Variants in NPLOC4 observed in about 807,000 individuals in gnomAD.
NPLOC4 encodes nuclear protein localization protein 4 homolog.
In NPLOC4, 18 loss-of-function variants were observed where a neutral mutation model predicts 80.6. That is an observed-to-expected ratio of 0.22 (90% CI 0.15 to 0.33). The LOEUF (loss-of-function observed/expected upper bound fraction) is 0.33. Among genes scored for constraint, NPLOC4 ranks in the 10% least tolerant of loss-of-function variants. NPLOC4 has a pLI of 1.00. For missense variants in NPLOC4, 540 were observed against 786.1 expected (o/e 0.69, Z 3.74); for synonymous variants, 313 against 301.5 (o/e 1.04, Z -0.39).
At chr17:81,629,991 A>T (rs1000021564) in intron 1 of NPLOC4, 186 bp from the exon 2 acceptor site, 1 of 536,754 alleles carries the variant, frequency 1.9e-6, no homozygotes, top group African/African-American at 1.9e-5. Flanking sequence ...ATTCATCAAC[A>T]TATGGGGAGA....
At chr17:81,564,683 G>A (rs1192276143) in intron 16 of NPLOC4, 2 of 151,986 alleles carry the variant, frequency 1.3e-5, no homozygotes, top group Non-Finnish European at 2.9e-5. Flanking sequence ...AGCTACTCAG[G>A]AGGCTGAGGC....
chr17:81,627,632 G>A (rs373669439), intron 2 of NPLOC4, among the ~76,000 whole-genome samples: 21 of 152,198 alleles, frequency 1.4e-4, no homozygotes, highest in South Asian at 8.3e-4. Flanking sequence ...CCAGCTACTC[G>A]GAAGGCTGAG....
chr17:81,619,484 A>G (rs1397248559), intron 3 of NPLOC4, among the ~76,000 whole-genome samples: 1 of 142,282 alleles, frequency 7.0e-6, no homozygotes, highest in Non-Finnish European at 1.5e-5. Context: ...GGGGGGGCAG[A>G]GGTTGTGGTG....
chr17:81,582,210 C>G (rs562411320), intron 12 of NPLOC4, among the ~76,000 whole-genome samples: 1 of 152,214 alleles, frequency 6.6e-6, no homozygotes, highest in Non-Finnish European at 1.5e-5. Context: ...TGCAGCAGCA[C>G]AACCAGGAGG....
chr17:81,581,375 A>AGTG lies in NPLOC4; in HGVS notation c.1281+7568_1281+7569insCAC, dbSNP rs71367066. ...AAAAAAAAAAAAAAAAAAAAAAAAA[A>AGTG]AGTTAATAAAATCACCATGTCACAA... On this transcript the variant is annotated intron_variant, in intron 12 of 16. Coordinates refer to ENST00000331134, the MANE Select transcript of NPLOC4 (RefSeq NM_017921.4). Among the ~76,000 whole-genome samples the AGTG allele has an allele frequency of 4.1e-5, 3 of 72,810 alleles. 1 individual carries two copies. The highest frequency in any genetic ancestry group is 2.9e-5 in the Non-Finnish European group (1 of 34,996). 47.8% of individuals were successfully genotyped at this position (72,810 alleles called of 152,430 possible).
At position 81,613,506 on chromosome 17, in the gene NPLOC4, A is replaced by G; in HGVS notation, c.210-12T>C. 1.2e-6 allele frequency: 2 copies of G among 1,608,806 alleles called. No individual in the cohort carries two copies. The highest frequency in any genetic ancestry group is 1.7e-6 in the Non-Finnish European group (2 of 1,177,748). ...ACAAATCGCCATGCCTGTTCAAATG[A>G]TAAACAGAGGCTGATGCCTTCCCTT... On this transcript the variant is annotated splice_polypyrimidine_tract_variant and intron_variant, in intron 3 of 16. Coordinates refer to ENST00000331134, the MANE Select transcript of NPLOC4 (RefSeq NM_017921.4).
Position 81,630,235 on chromosome 17 carries a change from C to T in NPLOC4, c.16-430G>A, listed in dbSNP as rs145855428. On this transcript the variant is annotated intron_variant, in intron 1 of 16. Coordinates refer to ENST00000331134, the MANE Select transcript of NPLOC4 (RefSeq NM_017921.4). ...CCAGGATCTATATACAAACATTAGA[C>T]AGTCTTCAAGAGTCCTACAATTTAA... Among the ~76,000 whole-genome samples, 504 of 149,694 alleles carry T rather than the reference C, an allele frequency of 3.4e-3. 2 individuals are homozygous for T. Among genetic ancestry groups the T allele is most frequent in the African/African-American group, 0.012 (480 of 40,870 alleles).
intron 6 of NPLOC4, among the ~76,000 whole-genome samples, chr17:81,607,233 T>A (rs1394349954): frequency 6.6e-6 from 1 of 152,200 alleles, no homozygotes; most frequent in Non-Finnish European, 1.5e-5. Flanking sequence ...TTGTAAAAAA[T>A]TCTTATTCAT....
chr17:81,621,536 G>A (rs2035667822), intron 3 of NPLOC4, among the ~76,000 whole-genome samples: 1 of 152,176 alleles, frequency 6.6e-6, no homozygotes, highest in African/African-American at 2.4e-5. Flanking sequence ...GTGAGTAAGT[G>A]CCCAGATGGT....
chr17:81,577,173 A>G lies in NPLOC4; in HGVS notation c.1282-5085T>C, dbSNP rs985620323. Among the ~76,000 whole-genome samples, 1 of 152,036 alleles carries G rather than the reference A, an allele frequency of 6.6e-6. No homozygotes were observed. Among genetic ancestry groups the G allele is most frequent in the Non-Finnish European group, 1.5e-5 (1 of 67,972 alleles). ...CCTCCACAGCTGGCTCCTTGAAGGA[A>G]CGCTGTTCCCTTGCTGCTCCTATGT... is the stretch of plus-strand genomic sequence containing the variant. On this transcript the variant is annotated intron_variant, in intron 12 of 16. Transcript: ENST00000331134. This position sits in a 1 kb window ranked among gnomAD's most constrained non-coding sequence, Gnocchi z 4.3.
rs773687797 is a variant in NPLOC4 at position 81,567,459 on chromosome 17, G to A, written c.1524C>T (p.His508=). The A allele has an allele frequency of 2.5e-6, 4 of 1,613,726 alleles. No individual in the cohort carries two copies. Among genetic ancestry groups the A allele is most frequent in the East Asian group, 4.5e-5 (2 of 44,888 alleles). Residue 508 remains histidine (H), a synonymous_variant, in exon 15 of 17, where the codon CAC becomes CAT. Coordinates refer to ENST00000331134, the MANE Select transcript of NPLOC4 (RefSeq NM_017921.4). The surrounding 1 kb of genome is among the most constrained non-coding windows in gnomAD (Gnocchi z 4.5). ...SVFLDTISDF[H]LLLFLVTNEV... ...CATTGGTGACCAGGAACAGCAAGAG[G>A]TGGAAATCTGAGATGGTATCCAAGA...
intron 9 of NPLOC4, among the ~76,000 whole-genome samples, 182 bp downstream of exon 9, chr17:81,600,159 A>G (rs2144194980): frequency 6.6e-6 from 1 of 152,246 alleles, no homozygotes; most frequent in Non-Finnish European, 1.5e-5. Flanking sequence ...AGGAACATAA[A>G]GGTTATTGGT....
chr17:81,581,332 C>A (rs1434597809), intron 12 of NPLOC4, among the ~76,000 whole-genome samples: 1 of 117,848 alleles, frequency 8.5e-6, no homozygotes, highest in South Asian at 2.7e-4. Flanking sequence ...CTGGGCAACA[C>A]AGCCAGACTC....
intron 13 of NPLOC4, among the ~76,000 whole-genome samples, chr17:81,571,519 C>T (rs1421663025): frequency 6.6e-6 from 1 of 152,228 alleles, no homozygotes; most frequent in Non-Finnish European, 1.5e-5. Context: ...GGTGTGTCCC[C>T]TGGGGACCAC....
intron 7 of NPLOC4, among the ~76,000 whole-genome samples, chr17:81,604,987 G>A (rs544071085): frequency 3.9e-5 from 6 of 152,170 alleles, no homozygotes; most frequent in South Asian, 2.1e-4. Flanking sequence ...TGGGCTGGGC[G>A]CAGTGGCTCA....
intron 10 of NPLOC4, among the ~76,000 whole-genome samples, 199 bp downstream of exon 10, chr17:81,597,046 T>A (rs111229703): frequency 6.6e-6 from 1 of 151,720 alleles, no homozygotes; most frequent in Non-Finnish European, 1.5e-5. Flanking sequence ...CCGGGAGGCA[T>A]TGCTAGCGGT....
intron 2 of NPLOC4, among the ~76,000 whole-genome samples, chr17:81,626,527 G>A (rs1042029054): frequency 2.0e-5 from 3 of 152,066 alleles, no homozygotes; most frequent in Admixed American, 6.6e-5. Context: ...CCAAGAAGAC[G>A]GTGGAACGAC....
At chr17:81,632,200 G>A (rs113443569) in intron 1 of NPLOC4, among the ~76,000 whole-genome samples, 18,227 of 151,570 alleles carry the variant, frequency 0.12, 1,269 homozygotes, top group Non-Finnish European at 0.15. Context: ...GGTCTTAAAC[G>A]CCTACCTCAG....
chr17:81,629,971 G>C, intron 1 of NPLOC4, 166 bp from the exon 2 acceptor site: 1 of 576,876 alleles, frequency 1.7e-6, no homozygotes, highest in Non-Finnish European at 3.1e-6. Flanking sequence ...ATATGATGCC[G>C]AGGGGTGAGA....
Sources: allele counts gnomAD v4.1 joint callset (sites outside exome capture counted in the v4.1 genomes callset), GRCh38; gene constraint gnomAD v4.1.1; non-coding constraint Gnocchi (gnomAD v3.1); transcripts MANE v1.5; gene names NCBI Gene and HGNC (gene_info 2026-07-23, HGNC 2026-07-21).